The following DSG1 variants were observed in gnomAD, a reference collection of about 807,000 sequenced individuals.
DSG1 encodes desmoglein-1.
A neutral mutation model predicts 97.5 loss-of-function variants in DSG1; 39 were observed. That is an observed-to-expected ratio of 0.40 (90% CI 0.31 to 0.52). The LOEUF is 0.52. DSG1 is among the 20% of genes least tolerant of loss of function. The probability of loss-of-function intolerance (pLI) is 0.53; values close to 1 mark genes in which losing one functional copy is unlikely to be tolerated. For synonymous variants in DSG1, 475 were observed against 443.4 expected (o/e 1.07, Z -0.90); for missense variants, 1,311 against 1,295.4 (o/e 1.01, Z -0.18).
chr18:31,334,500 T>G (rs748457263), intron 8 of DSG1, among the ~76,000 whole-genome samples: 8 of 152,180 alleles, frequency 5.3e-5, no homozygotes, highest in Non-Finnish European at 1.2e-4. Context: ...AAAGTATAAT[T>G]AATCCTTAAG....
Position 31,339,744 on chromosome 18 carries a change from A to G in DSG1, c.1406A>G (p.Asp469Gly), listed in dbSNP as rs1205368557. The G allele has an allele frequency of 6.2e-7, 1 of 1,607,044 alleles. No individual in the cohort carries two copies. The highest frequency in any genetic ancestry group is 8.5e-7 in the Non-Finnish European group (1 of 1,173,914). Residue 469 changes from aspartate to glycine, a missense_variant and splice_region_variant, in exon 11 of 15, where the codon GAT (aspartate) becomes GGT (glycine). By Grantham distance (94) the Asp-to-Gly change is moderately conservative. Coordinates refer to ENST00000257192, the MANE Select transcript of DSG1 (RefSeq NM_001942.4). ...TCTTCCATTTTGAACGTTATTACAG[A>G]TAATCTTCAAAGAACTTGCACTGGT... Reference protein sequence around the residue: ...KYQGTILSIDDNLQRTCTGTI... With the variant: ...KYQGTILSIDGNLQRTCTGTI...
At position 31,357,021 on chromosome 18, in the gene DSG1, T is replaced by G. The variant is rs1163364161; in HGVS notation, c.*1675T>G. On this transcript the variant is annotated 3_prime_UTR_variant, in exon 15 of 15. Coordinates refer to ENST00000257192, the MANE Select transcript of DSG1 (RefSeq NM_001942.4). ...GACAAAATAAAATTAGAAAAAAATTTGCCCTGGAGTTGTGAATTATATACA... is the reference window on the plus strand; with the variant it reads ...GACAAAATAAAATTAGAAAAAAATTGGCCCTGGAGTTGTGAATTATATACA... 6.6e-6 allele frequency: 1 copy of G among 152,076 alleles called. No individual in the cohort carries two copies. The allele number at this position is 152,076 out of a possible 1,614,324, so 9.4% of individuals were successfully genotyped here.
rs768191463 is a variant in DSG1 at position 31,333,551 on chromosome 18, ACGT to A, written c.685-36_685-34del. 8 of 1,613,458 alleles carry A rather than the reference ACGT, an allele frequency of 5.0e-6. No individual in the cohort carries two copies. In the East Asian group the frequency reaches 1.8e-4, roughly 36 times the overall value. ...ACATAAGACAAAGTAAAGGCTGTCT[ACGT>A]CAAGTGTGATATTGCCTGTAATATG... On this transcript the variant is annotated intron_variant, in intron 6 of 14. Coordinates refer to ENST00000257192, the MANE Select transcript of DSG1 (RefSeq NM_001942.4).
intron 11 of DSG1, among the ~76,000 whole-genome samples, chr18:31,342,224 G>A (rs931486329): frequency 6.6e-6 from 1 of 152,034 alleles, no homozygotes. Context: ...GAGCCACCGC[G>A]CCCGTCCTGA....
chr18:31,344,127 C>A, intron 13 of DSG1, 132 bp downstream of exon 13: 2 of 706,242 alleles, frequency 2.8e-6, no homozygotes, highest in Non-Finnish European at 4.8e-6. Context: ...AAATGACTAA[C>A]TTGTAAATTA....
Position 31,318,227 on chromosome 18 carries a change from G to A in DSG1, c.-74G>A. On this transcript the variant is annotated 5_prime_UTR_variant, in exon 1 of 15. In the 5' UTR this introduces an upstream ATG that the reference lacks. Transcript: ENST00000257192. ...ATTATTTTAATCAGACACCAGCTGA[G>A]TGGGAGAAAGAAAAAGAACAGAGAA... is the stretch of plus-strand genomic sequence containing the variant. 3 of 1,284,648 alleles carry A rather than the reference G, an allele frequency of 2.3e-6. No homozygotes were observed. The highest frequency in any genetic ancestry group is 3.4e-6 in the Non-Finnish European group (3 of 879,624). The allele number at this position is 1,284,648 out of a possible 1,614,324, so 79.6% of individuals were successfully genotyped here. A position where few individuals can be genotyped will look rare whatever the true frequency, so the allele number is the denominator to read the frequency against.
rs1216597993 is a variant in DSG1 at position 31,338,449 on chromosome 18, T to C, written c.1400T>C (p.Ile467Thr). ...GGKYQGTILS[I>T]DDNLQRTCTG... ...AAATACCAAGGAACGATTCTCTCTA[T>C]AGATGGTAAGAAATTAATTTACATT... Residue 467 changes from isoleucine (I) to threonine (T), a missense_variant, in exon 10 of 15, where the codon ATA (isoleucine) becomes ACA (threonine). Physicochemically the swap from Ile to Thr is moderately conservative, Grantham distance 89. Transcript: ENST00000257192. The C allele has an allele frequency of 3.1e-6, 5 of 1,612,846 alleles. No individual in the cohort carries two copies. Among genetic ancestry groups the C allele is most frequent in the African/African-American group, 2.7e-5 (2 of 74,902 alleles).
At chr18:31,330,177 CG>C in intron 5 of DSG1, 141 bp downstream of exon 5, 1 of 1,082,642 alleles carries the variant, frequency 9.2e-7, no homozygotes, top group Non-Finnish European at 1.4e-6. Context: ...CTTTCAACTA[CG>C]GAAGCAGCTC....
chr18:31,342,172 T>C (rs1598707622), intron 11 of DSG1, among the ~76,000 whole-genome samples: 1 of 152,280 alleles, frequency 6.6e-6, no homozygotes, highest in East Asian at 1.9e-4. Context: ...GACCTCGTGA[T>C]CCACCCGCTT....
intron 11 of DSG1, among the ~76,000 whole-genome samples, chr18:31,342,896 TG>T (rs570111901): frequency 0.29 from 40,579 of 140,534 alleles, 6,264 homozygotes; most frequent in South Asian, 0.38. Context: ...ATACTATCTG[TG>T]ATTTTTTTTT....
chr18:31,327,878 A>T (rs997213370), intron 3 of DSG1, among the ~76,000 whole-genome samples: 2 of 152,186 alleles, frequency 1.3e-5, no homozygotes, highest in Admixed American at 6.5e-5. Flanking sequence ...ATAATACAAG[A>T]TCAAATTTTA....
intron 8 of DSG1, among the ~76,000 whole-genome samples, chr18:31,335,190 A>G (rs1312139268): frequency 2.0e-5 from 3 of 152,132 alleles, no homozygotes; most frequent in Non-Finnish European, 4.4e-5. Flanking sequence ...ATCCCTGCAA[A>G]TTAGGTTATA....
At chr18:31,337,257 G>GTTGT (rs147479238) in intron 9 of DSG1, among the ~76,000 whole-genome samples, 1 of 149,400 alleles carries the variant, frequency 6.7e-6, no homozygotes, top group Non-Finnish European at 1.5e-5. Context: ...TTGTTTGTTT[G>GTTGT]TTGTTTGTTT....
At chr18:31,326,468 T>G (rs1317956879) in intron 1 of DSG1, 113 bp from the exon 2 acceptor site, 3 of 833,682 alleles carry the variant, frequency 3.6e-6, no homozygotes, top group Non-Finnish European at 5.7e-6. Flanking sequence ...GATAAAATAA[T>G]TTTAATGACT....
At chr18:31,324,807 C>T (rs541061776) in intron 1 of DSG1, among the ~76,000 whole-genome samples, 2 of 152,316 alleles carry the variant, frequency 1.3e-5, no homozygotes, top group Admixed American at 6.5e-5. Context: ...GTAATCACTG[C>T]CTCTTCCCAC....
At chr18:31,354,234 G>T (rs1448077271) in intron 14 of DSG1, 63 bp from the exon 15 acceptor site, 5 of 1,415,352 alleles carry the variant, frequency 3.5e-6, no homozygotes, top group Admixed American at 3.4e-5. Flanking sequence ...AATGATAAAG[G>T]CTGTTCTATT....
chr18:31,346,907 C>T (rs2071843635), intron 14 of DSG1, among the ~76,000 whole-genome samples: 1 of 152,152 alleles, frequency 6.6e-6, no homozygotes, highest in Admixed American at 6.5e-5. Flanking sequence ...GAGCCATAGT[C>T]TACTTCCAAA....
intron 11 of DSG1, 115 bp from the exon 12 acceptor site, chr18:31,343,335 T>C: frequency 6.8e-7 from 1 of 1,473,920 alleles, no homozygotes; most frequent in Non-Finnish European, 9.5e-7. Context: ...TTTCATAATT[T>C]TAGAACCAAC....
At chr18:31,351,430 A>G (rs2071895417) in intron 14 of DSG1, among the ~76,000 whole-genome samples, 1 of 148,574 alleles carries the variant, frequency 6.7e-6, no homozygotes, top group African/African-American at 2.5e-5. Context: ...TGGTGCTGAA[A>G]AAAATGTATA....
Sources: gnomAD v4.1 joint callset for allele counts (sites outside exome capture counted in the v4.1 genomes callset) on GRCh38, gnomAD v4.1.1 for gene constraint, MANE v1.5 for transcripts, NCBI Gene and HGNC (gene_info 2026-07-23, HGNC 2026-07-21) for gene names.